CTNNA1: variants seen among roughly 807,000 people sequenced by gnomAD.
CTNNA1 encodes the protein catenin alpha-1.
CTNNA1 carries 37 observed loss-of-function variants against 98.4 expected under a neutral mutation model. The ratio of observed to expected loss-of-function variants is 0.38; its 90% confidence interval spans 0.29 to 0.49. The LOEUF (loss-of-function observed/expected upper bound fraction) is 0.49, where lower values mean the gene tolerates loss of function less well. Ranked by LOEUF, CTNNA1 falls within the 20% of genes least tolerant of loss-of-function variation. The pLI is 0.95. For missense variants in CTNNA1, 761 were observed against 1,147.2 expected, an observed-to-expected ratio of 0.66 and a Z score of 4.86; for synonymous variants, 404 against 413.2, an observed-to-expected ratio of 0.98 and a Z score of 0.27.
chr5:138,912,975 T>C (rs1346852949), intron 10 of CTNNA1, among the ~76,000 whole-genome samples: 1 of 152,180 alleles, frequency 6.6e-6, no homozygotes, highest in African/African-American at 2.4e-5. Context: ...CATTGTTATT[T>C]TGAAATAGAG....
intron 7 of CTNNA1, among the ~76,000 whole-genome samples, chr5:138,828,506 A>G (rs530513216): frequency 6.6e-6 from 1 of 152,052 alleles, no homozygotes; most frequent in Non-Finnish European, 1.5e-5. Flanking sequence ...TGTCATTTAG[A>G]CCTTGGACCC....
At chr5:138,838,814 AG>A (rs1261340376) in intron 7 of CTNNA1, among the ~76,000 whole-genome samples, 8 of 152,156 alleles carry the variant, frequency 5.3e-5, no homozygotes, top group Admixed American at 3.9e-4. Flanking sequence ...TTTGTTTTTA[AG>A]AGATCGGGTC....
intron 10 of CTNNA1, among the ~76,000 whole-genome samples, chr5:138,909,143 G>A (rs1047912155): frequency 2.0e-5 from 3 of 152,018 alleles, no homozygotes; most frequent in Non-Finnish European, 4.4e-5. Context: ...TCAGAGGAGG[G>A]CATTTTGGAG....
rs186224941 is a variant in CTNNA1, at chr5:138,871,795, C to T, written c.1063-14417C>T. 1.4e-3 allele frequency: 213 copies of T among 152,234 alleles called. 1 individual carries two copies. The highest frequency in any genetic ancestry group is 1.7e-3 in the Non-Finnish European group (114 of 68,028). The allele number at this position is 152,234 out of a possible 1,614,324, so 9.4% of individuals were successfully genotyped here. A position where few individuals can be genotyped will look rare whatever the true frequency, so the allele number is the denominator to read the frequency against. ...CACCTACACTGAACTACACTTACAG[C>T]GTGAATGCGTATCTTTATTGAAAGA... On this transcript the variant is annotated intron_variant, in intron 7 of 17. Coordinates refer to ENST00000302763, the MANE Select transcript of CTNNA1 (RefSeq NM_001903.5).
At chr5:138,754,762 GAACA>G (rs931913224) in intron 1 of CTNNA1, 21 of 152,170 alleles carry the variant, frequency 1.4e-4, no homozygotes, top group Admixed American at 5.2e-4. Context: ...CTGGACTTTT[GAACA>G]AACATTTTTT....
chr5:138,862,194 C>T (rs139750334), intron 7 of CTNNA1, among the ~76,000 whole-genome samples: 127 of 152,252 alleles, frequency 8.3e-4, no homozygotes, highest in Middle Eastern at 3.4e-3. Flanking sequence ...TACCCTCCTG[C>T]GTGCATTGAA....
intron 5 of CTNNA1, among the ~76,000 whole-genome samples, chr5:138,815,098 C>T (rs1759295605): frequency 6.6e-6 from 1 of 152,168 alleles, no homozygotes. Context: ...AGTAATGCTA[C>T]CTGAGTTGTT....
chr5:138,791,787 C>CT (rs1168548486), intron 3 of CTNNA1, among the ~76,000 whole-genome samples: 63,619 of 92,224 alleles, frequency 0.69, 22,324 homozygotes, highest in East Asian at 0.95. Flanking sequence ...GTTTTCTCAG[C>CT]TTTTTTTTTT....
At chr5:138,803,876 G>T (rs1757824864) in intron 3 of CTNNA1, among the ~76,000 whole-genome samples, 2 of 152,200 alleles carry the variant, frequency 1.3e-5, no homozygotes, top group South Asian at 4.2e-4. Flanking sequence ...TTTTTTCCTG[G>T]CCTGGTTGGT....
intron 1 of CTNNA1, among the ~76,000 whole-genome samples, chr5:138,779,589 A>G (rs902806550): frequency 6.6e-6 from 1 of 152,152 alleles, no homozygotes; most frequent in Admixed American, 6.5e-5. Context: ...GCTGGTCTCA[A>G]ACTCCTGGGC....
At chr5:138,782,382 A>G (rs1387215305) in intron 2 of CTNNA1, 4 of 434,846 alleles carry the variant, frequency 9.2e-6, no homozygotes, top group African/African-American at 6.1e-5. Context: ...CACACCTTTC[A>G]TTGTGTGGGA....
intron 3 of CTNNA1, among the ~76,000 whole-genome samples, chr5:138,789,803 G>A (rs551011937): frequency 9.7e-4 from 148 of 152,298 alleles, no homozygotes; most frequent in African/African-American, 3.2e-3. Context: ...GGGTGGCTTG[G>A]AATGCCATGT....
chr5:138,929,268 CTGACTT>C lies in CTNNA1; in HGVS notation c.1926_1931del (p.Asp642_Phe643del). 1 of 1,606,494 alleles carries C rather than the reference CTGACTT, an allele frequency of 6.2e-7. No homozygotes were observed. The highest frequency in any genetic ancestry group is 8.5e-7 in the Non-Finnish European group (1 of 1,173,152). On this transcript the variant is annotated inframe_deletion, in exon 14 of 18. Transcript: ENST00000302763. ...CAGACCCCTGAGGAGTTGGATGACT[CTGACTT>C]TGAGACAGAAGATTTTGATGTCAGA...
chr5:138,926,437 T>A (rs1764055844), intron 13 of CTNNA1, among the ~76,000 whole-genome samples: 1 of 152,252 alleles, frequency 6.6e-6, no homozygotes, highest in Non-Finnish European at 1.5e-5. Flanking sequence ...CGGCCATTTG[T>A]GCGCCCTTGC....
At chr5:138,828,822 A>G (rs777890129) in intron 7 of CTNNA1, among the ~76,000 whole-genome samples, 2 of 152,144 alleles carry the variant, frequency 1.3e-5, no homozygotes, top group Admixed American at 6.5e-5. Context: ...TGCATATTGA[A>G]TTTTTTTAAA....
At chr5:138,900,652 T>A (rs1757836148) in intron 9 of CTNNA1, among the ~76,000 whole-genome samples, 1 of 152,192 alleles carries the variant, frequency 6.6e-6, no homozygotes. Flanking sequence ...TTTATGTAAG[T>A]AAAGATCATC....
intron 7 of CTNNA1, among the ~76,000 whole-genome samples, chr5:138,860,398 A>G (rs1764150739): frequency 6.6e-6 from 1 of 152,198 alleles, no homozygotes; most frequent in Non-Finnish European, 1.5e-5. Context: ...CACTTTAGGA[A>G]TGCTGCATCA....
At chr5:138,907,865 T>C (rs1759622275) in intron 10 of CTNNA1, among the ~76,000 whole-genome samples, 1 of 152,196 alleles carries the variant, frequency 6.6e-6, no homozygotes, top group Non-Finnish European at 1.5e-5. Context: ...TAGGCAGCAC[T>C]ACAGTTTGGA....
intron 5 of CTNNA1, among the ~76,000 whole-genome samples, chr5:138,821,325 T>A (rs141174606): frequency 1.3e-5 from 2 of 152,358 alleles, no homozygotes; most frequent in Non-Finnish European, 2.9e-5. Flanking sequence ...GTAATAATGC[T>A]TTGATGCTTA....
Sources: allele counts gnomAD v4.1 joint callset (sites outside exome capture counted in the v4.1 genomes callset), GRCh38; gene constraint gnomAD v4.1.1; transcripts MANE v1.5; gene names NCBI Gene and HGNC (gene_info 2026-07-23, HGNC 2026-07-21).